Variants in GPC5 observed in about 807,000 individuals in gnomAD.
GPC5 encodes glypican-5.
GPC5 carries 47 observed loss-of-function variants against 53.9 expected under a neutral mutation model. The observed-to-expected ratio is 0.87, with a 90% CI of 0.69 to 1.11. GPC5 has a LOEUF of 1.11. Among genes scored for constraint, GPC5 ranks in the 50% most tolerant of loss-of-function variants. The pLI is 0.00. For missense variants in GPC5, 748 were observed against 713.1 expected (o/e 1.05, Z -0.56); for synonymous variants, 286 against 263.3 (o/e 1.09, Z -0.84).
chr13:92,761,202 G>A (rs530182858), intron 7 of GPC5, among the ~76,000 whole-genome samples: 1 of 152,272 alleles, frequency 6.6e-6, no homozygotes, highest in African/African-American at 2.4e-5. Flanking sequence ...GTGTTGCTCA[G>A]GCTGGGGTGC....
At chr13:91,499,126 AAGCTAT>A (rs1884478870) in intron 2 of GPC5, among the ~76,000 whole-genome samples, 1 of 152,218 alleles carries the variant, frequency 6.6e-6, no homozygotes, top group Admixed American at 6.5e-5. Flanking sequence ...GGACACTGTT[AAGCTAT>A]AGTCTGTGTG....
Position 92,180,639 on chromosome 13 carries a change from C to T in GPC5, c.1561+35650C>T, listed in dbSNP as rs142339417. 1,235 of 156,326 alleles carry T rather than the reference C, an allele frequency of 7.9e-3. 10 individuals are homozygous for T. The highest frequency in any genetic ancestry group is 0.013 in the Non-Finnish European group (910 of 70,294). 9.7% of individuals were successfully genotyped at this position (156,326 alleles called of 1,614,324 possible). On this transcript the variant is annotated intron_variant, in intron 7 of 7. Transcript: ENST00000377067. ...CAGTAATGAAAAGAAAAAAAGCAGC[C>T]GTATGGAGATTTTCTCATTCAACTG...
intron 7 of GPC5, among the ~76,000 whole-genome samples, chr13:92,663,403 C>T (rs1482194042): frequency 6.6e-6 from 1 of 151,418 alleles, no homozygotes; most frequent in Non-Finnish European, 1.5e-5. Flanking sequence ...TCAAGATATT[C>T]TCTGAGTGTC....
At chr13:92,621,363 G>C (rs565928442) in intron 7 of GPC5, among the ~76,000 whole-genome samples, 1 of 152,118 alleles carries the variant, frequency 6.6e-6, no homozygotes, top group Middle Eastern at 3.2e-3. Flanking sequence ...GCCAGAGGTC[G>C]TGCCTCTGTT....
At chr13:92,280,863 C>T (rs1003148487) in intron 7 of GPC5, among the ~76,000 whole-genome samples, 2 of 152,064 alleles carry the variant, frequency 1.3e-5, no homozygotes, top group African/African-American at 4.8e-5. Flanking sequence ...AACTGAGGTA[C>T]CGGGTTCATC....
intron 6 of GPC5, among the ~76,000 whole-genome samples, chr13:92,072,080 T>C (rs909294162): frequency 2.1e-5 from 3 of 146,096 alleles, no homozygotes; most frequent in African/African-American, 7.4e-5. Flanking sequence ...TATAAAAATA[T>C]ATAATTATAT....
At chr13:92,558,359 G>A (rs1258364586) in intron 7 of GPC5, among the ~76,000 whole-genome samples, 3 of 151,976 alleles carry the variant, frequency 2.0e-5, no homozygotes, top group Admixed American at 2.0e-4. Context: ...ACATATGCAA[G>A]TGACATATCT....
At chr13:92,536,096 G>T (rs918241290) in intron 7 of GPC5, among the ~76,000 whole-genome samples, 2 of 152,106 alleles carry the variant, frequency 1.3e-5, no homozygotes, top group African/African-American at 4.8e-5. Flanking sequence ...ATATTTGGGT[G>T]TCTTTTACTA....
At chr13:91,613,387 G>T (rs192821401) in intron 2 of GPC5, among the ~76,000 whole-genome samples, 4 of 152,080 alleles carry the variant, frequency 2.6e-5, no homozygotes, top group African/African-American at 9.7e-5. Context: ...ACTATCGCAA[G>T]AATAGTATGG....
At position 92,358,279 on chromosome 13, in the gene GPC5, A is replaced by G. The variant is rs1449180183; in HGVS notation, c.1561+213290A>G. Reference sequence around the variant, plus strand: ...CTCACATCTAGTCCACATTGATACAAGGGGTGGGCTCCCAAGTTTTTGGGC... The same window carrying G: ...CTCACATCTAGTCCACATTGATACAGGGGGTGGGCTCCCAAGTTTTTGGGC... On this transcript the variant is annotated intron_variant, in intron 7 of 7. Coordinates refer to ENST00000377067, the MANE Select transcript of GPC5 (RefSeq NM_004466.6). Among the ~76,000 whole-genome samples the G allele has an allele frequency of 1.3e-5, 2 of 151,732 alleles. 1 individual carries two copies. Among genetic ancestry groups the G allele is most frequent in the African/African-American group, 4.9e-5 (2 of 41,016 alleles).
chr13:92,098,356 C>T (rs996375682), intron 6 of GPC5, among the ~76,000 whole-genome samples: 8 of 152,228 alleles, frequency 5.3e-5, no homozygotes, highest in South Asian at 2.1e-4. Context: ...TTGTTATGAC[C>T]TTTGCACCTT....
intron 7 of GPC5, among the ~76,000 whole-genome samples, chr13:92,725,722 C>G (rs1426044019): frequency 6.6e-6 from 1 of 151,454 alleles, no homozygotes; most frequent in Non-Finnish European, 1.5e-5. Context: ...TTACTTTGAA[C>G]TAGTTGGGAA....
chr13:91,657,918 T>C (rs1251427834), intron 2 of GPC5, among the ~76,000 whole-genome samples: 1 of 152,182 alleles, frequency 6.6e-6, no homozygotes, highest in Non-Finnish European at 1.5e-5. Flanking sequence ...CAGTGCTGTT[T>C]GTATAAAAAG....
chr13:92,399,642 A>G (rs1875465442), intron 7 of GPC5, among the ~76,000 whole-genome samples: 2 of 152,162 alleles, frequency 1.3e-5, no homozygotes, highest in South Asian at 2.1e-4. Context: ...GATCATGTGC[A>G]TTTCTCATTA....
chr13:92,124,800 A>G (rs184112813), intron 6 of GPC5, among the ~76,000 whole-genome samples: 8 of 152,290 alleles, frequency 5.3e-5, no homozygotes, highest in Non-Finnish European at 1.0e-4. Flanking sequence ...TATTTTAAGG[A>G]GAGAAAAATA....
At chr13:91,847,266 A>T (rs1318674301) in intron 5 of GPC5, among the ~76,000 whole-genome samples, 2 of 151,356 alleles carry the variant, frequency 1.3e-5, no homozygotes, top group Non-Finnish European at 2.9e-5. Context: ...ATCGTTGATG[A>T]TTAGTAATAA....
intron 6 of GPC5, among the ~76,000 whole-genome samples, chr13:91,966,436 T>C (rs1182269572): frequency 6.6e-6 from 1 of 152,140 alleles, no homozygotes; most frequent in Non-Finnish European, 1.5e-5. Flanking sequence ...ATATAGACCA[T>C]ACAAGTAACA....
At chr13:92,838,402 T>A (rs1441096845) in intron 7 of GPC5, among the ~76,000 whole-genome samples, 1 of 149,674 alleles carries the variant, frequency 6.7e-6, no homozygotes, top group Non-Finnish European at 1.5e-5. Flanking sequence ...GAGAATGACG[T>A]GAACCGGTAG....
chr13:92,022,775 C>T (rs1445285433), intron 6 of GPC5, among the ~76,000 whole-genome samples: 3 of 151,938 alleles, frequency 2.0e-5, no homozygotes, highest in Middle Eastern at 3.4e-3. Context: ...TAATTGTTAG[C>T]ATTCCTTTAT....
Sources: allele counts gnomAD v4.1 joint callset (sites outside exome capture counted in the v4.1 genomes callset), GRCh38; gene constraint gnomAD v4.1.1; transcripts MANE v1.5; gene names NCBI Gene and HGNC (gene_info 2026-07-23, HGNC 2026-07-21).